The following QKI variants were observed in gnomAD, a reference collection of about 807,000 sequenced individuals.
The protein encoded by QKI is QKI, KH domain containing RNA binding, also known as KH domain-containing RNA-binding protein QKI.
A neutral mutation model predicts 39.0 loss-of-function variants in QKI; 10 were observed. The ratio of observed to expected loss-of-function variants is 0.26; its 90% confidence interval spans 0.16 to 0.43. QKI has a LOEUF of 0.43. QKI is among the 20% of genes least tolerant of loss of function. The pLI, the probability that QKI is intolerant of heterozygous loss-of-function variation, is 1.00. For missense variants in QKI, 218 were observed against 428.0 expected (o/e 0.51, Z 4.33); for synonymous variants, 204 against 155.4 (o/e 1.31, Z -2.33).
chr6:163,572,068 T>C lies in QKI; in HGVS notation c.*1358T>C, dbSNP rs756156065. 1 of 152,230 alleles carries C rather than the reference T, an allele frequency of 6.6e-6. No individual in the cohort carries two copies. Among genetic ancestry groups the C allele is most frequent in the Admixed American group, 6.5e-5 (1 of 15,282 alleles). The allele number at this position is 152,230 out of a possible 1,614,324, so 9.4% of individuals were successfully genotyped here. The stretch of plus-strand genomic sequence containing the variant: ...GCCAAATCTGATACTGTGAAAAGAT[T>C]TGATAACTTTTCTAATGCCTGACTA... On this transcript the variant is annotated 3_prime_UTR_variant, in exon 8 of 8. Coordinates refer to ENST00000361752, the MANE Select transcript of QKI (RefSeq NM_006775.3).
intron 1 of QKI, among the ~76,000 whole-genome samples, chr6:163,416,866 T>C (rs929284194): frequency 1.3e-5 from 2 of 151,962 alleles, no homozygotes; most frequent in Non-Finnish European, 1.5e-5. Flanking sequence ...CTTTTCCTAT[T>C]TGTGTTGGCA....
intron 3 of QKI, among the ~76,000 whole-genome samples, chr6:163,507,664 T>C (rs76748779): frequency 0.039 from 5,914 of 152,250 alleles, 401 homozygotes; most frequent in African/African-American, 0.14. Context: ...ACTAAGACCA[T>C]AGTTGGCACC....
At chr6:163,472,967 G>A (rs1792317190) in intron 2 of QKI, among the ~76,000 whole-genome samples, 1 of 152,036 alleles carries the variant, frequency 6.6e-6, no homozygotes, top group Non-Finnish European at 1.5e-5. Flanking sequence ...AAGGGAAAAA[G>A]AACAGCAGAT....
intron 2 of QKI, 67 bp from the exon 3 acceptor site, chr6:163,478,713 T>G: frequency 2.9e-6 from 3 of 1,034,526 alleles, no homozygotes; most frequent in Non-Finnish European, 4.3e-6. Context: ...AGATATACTT[T>G]ATATTTTAAG....
intron 3 of QKI, among the ~76,000 whole-genome samples, chr6:163,523,452 C>G (rs1410833891): frequency 1.3e-5 from 2 of 152,154 alleles, no homozygotes; most frequent in South Asian, 2.1e-4. Flanking sequence ...TTACTATATG[C>G]AAAACATTTT....
At chr6:163,557,515 C>T (rs925317659) in intron 4 of QKI, among the ~76,000 whole-genome samples, 25 of 151,944 alleles carry the variant, frequency 1.6e-4, no homozygotes, top group Non-Finnish European at 3.7e-4. Flanking sequence ...GAGTGTGGAG[C>T]GATGGTTCCA....
intron 1 of QKI, among the ~76,000 whole-genome samples, chr6:163,428,832 A>C (rs966990458): frequency 3.9e-5 from 6 of 152,196 alleles, no homozygotes; most frequent in East Asian, 3.9e-4. Flanking sequence ...GGAGAGAAGA[A>C]TATGTCTTGT....
rs1399452081 is a variant in QKI at position 163,421,376 on chromosome 6, A to G, written c.142+6041A>G. ...AATTCATAAGCAGAGAAAAACTACC[A>G]GTGCTCATCTCAGCTCTTGGAAAAT... On this transcript the variant is annotated intron_variant, in intron 1 of 7. Coordinates refer to ENST00000361752, the MANE Select transcript of QKI (RefSeq NM_006775.3). 2.6e-5 allele frequency among the ~76,000 whole-genome samples: 4 copies of G among 152,242 alleles called. No homozygotes were observed. The East Asian group carries it at 7.7e-4, about 29-fold the overall frequency.
chr6:163,502,775 C>T (rs1037354966), intron 3 of QKI, among the ~76,000 whole-genome samples: 1 of 152,048 alleles, frequency 6.6e-6, no homozygotes, highest in Non-Finnish European at 1.5e-5. Context: ...CTTGGTGGTT[C>T]CATGTCTTTG....
intron 3 of QKI, among the ~76,000 whole-genome samples, chr6:163,502,647 T>A (rs1323476776): frequency 6.6e-6 from 1 of 152,206 alleles, no homozygotes; most frequent in Admixed American, 6.5e-5. Context: ...AAATTTATAT[T>A]ATCATTTTGA....
chr6:163,543,745 T>A (rs1234430437), intron 4 of QKI, among the ~76,000 whole-genome samples: 1 of 152,066 alleles, frequency 6.6e-6, no homozygotes, highest in African/African-American at 2.4e-5. Flanking sequence ...CATGTTCCCA[T>A]GCAGGCCATC....
intron 2 of QKI, among the ~76,000 whole-genome samples, chr6:163,463,238 A>G (rs73244762): frequency 0.02 from 3,100 of 152,284 alleles, 101 homozygotes; most frequent in African/African-American, 0.071. Flanking sequence ...GAAGAGAGGC[A>G]TTATACTGTA....
chr6:163,481,634 T>G (rs71569408), intron 3 of QKI, among the ~76,000 whole-genome samples: 1 of 152,216 alleles, frequency 6.6e-6, no homozygotes, highest in Admixed American at 6.5e-5. Context: ...AAGCTGCTGG[T>G]TTTTAGCAAG....
chr6:163,562,062 T>C lies in QKI; in HGVS notation c.627T>C (p.Ile209=). ...ILNGTYRDAN[I]KSPALAFSLA... ...ATGGCACCTACAGAGATGCCAACAT[T>C]AAATCACGTAAGAATGAGCTCTGAG... Residue 209 remains isoleucine (I), a synonymous_variant, in exon 5 of 8, where the codon ATT becomes ATC. Coordinates refer to ENST00000361752, the MANE Select transcript of QKI (RefSeq NM_006775.3). The C allele has an allele frequency of 6.2e-7, 1 of 1,611,810 alleles. No homozygotes were observed. The highest frequency in any genetic ancestry group is 1.3e-5 in the African/African-American group (1 of 74,930).
At chr6:163,427,681 G>A (rs1788520664) in intron 1 of QKI, among the ~76,000 whole-genome samples, 2 of 151,854 alleles carry the variant, frequency 1.3e-5, no homozygotes, top group African/African-American at 4.8e-5. Flanking sequence ...GCCTGCATGT[G>A]TGTGCGCGCG....
intron 1 of QKI, among the ~76,000 whole-genome samples, chr6:163,421,279 G>A (rs1486688092): frequency 6.6e-6 from 1 of 152,142 alleles, no homozygotes; most frequent in Non-Finnish European, 1.5e-5. Flanking sequence ...TGTTGGGAAG[G>A]AGATTTAGGA....
chr6:163,450,057 A>G (rs1438361864), intron 1 of QKI, among the ~76,000 whole-genome samples: 1 of 151,876 alleles, frequency 6.6e-6, no homozygotes. Context: ...ATGTGTATAT[A>G]TATATGTATT....
At chr6:163,521,594 C>G (rs1562509553) in intron 3 of QKI, among the ~76,000 whole-genome samples, 2 of 152,156 alleles carry the variant, frequency 1.3e-5, no homozygotes, top group Non-Finnish European at 2.9e-5. Context: ...ATGATCTCGG[C>G]TCACTGCAAC....
At chr6:163,494,399 G>A (rs1778266628) in intron 3 of QKI, among the ~76,000 whole-genome samples, 1 of 152,164 alleles carries the variant, frequency 6.6e-6, no homozygotes. Flanking sequence ...TCATTTGTGT[G>A]TACACACAGT....
Sources: allele counts gnomAD v4.1 joint callset (sites outside exome capture counted in the v4.1 genomes callset), GRCh38; gene constraint gnomAD v4.1.1; transcripts MANE v1.5; gene names NCBI Gene and HGNC (gene_info 2026-07-23, HGNC 2026-07-21).